The following ARHGAP15 variants were observed in gnomAD, a reference collection of about 807,000 sequenced individuals.
The protein encoded by ARHGAP15 is rho GTPase-activating protein 15.
A neutral mutation model predicts 63.7 loss-of-function variants in ARHGAP15; 51 were observed. That is an observed-to-expected ratio of 0.80 (90% confidence interval 0.64 to 1.01). ARHGAP15 has a LOEUF of 1.01. Among genes scored for constraint, ARHGAP15 ranks in the 50% least tolerant of loss-of-function variants. The probability of loss-of-function intolerance (pLI) is 0.00; values close to 1 mark genes in which losing one functional copy is unlikely to be tolerated. For missense variants in ARHGAP15, 560 were observed against 564.6 expected (o/e 0.99, Z 0.08); for synonymous variants, 191 against 193.8 (o/e 0.99, Z 0.12).
At chr2:143,291,917 T>G (rs919428869) in intron 6 of ARHGAP15, among the ~76,000 whole-genome samples, 1 of 152,032 alleles carries the variant, frequency 6.6e-6, no homozygotes, top group Non-Finnish European at 1.5e-5. Flanking sequence ...AATCAAAAAC[T>G]CAGTTACATA....
chr2:143,633,914 AC>A (rs749294835), intron 12 of ARHGAP15, among the ~76,000 whole-genome samples: 12 of 151,480 alleles, frequency 7.9e-5, no homozygotes, highest in African/African-American at 2.9e-4. Context: ...CTGCCCACTT[AC>A]CCCCAACTCT....
chr2:143,302,566 T>A (rs920005223), intron 6 of ARHGAP15, among the ~76,000 whole-genome samples: 1 of 152,040 alleles, frequency 6.6e-6, no homozygotes, highest in African/African-American at 2.4e-5. Flanking sequence ...GAAGTAATTC[T>A]ATTTTATGAA....
intron 6 of ARHGAP15, among the ~76,000 whole-genome samples, chr2:143,345,165 A>G (rs116051333): frequency 0.011 from 1,739 of 152,238 alleles, 14 homozygotes; most frequent in Non-Finnish European, 0.018. Context: ...TTCATTTCCT[A>G]GTAATGTGAT....
At chr2:143,559,953 G>C (rs1695956338) in intron 11 of ARHGAP15, among the ~76,000 whole-genome samples, 1 of 152,112 alleles carries the variant, frequency 6.6e-6, no homozygotes, top group African/African-American at 2.4e-5. Context: ...TTTCTAGAAG[G>C]CTCTAAATAT....
At chr2:143,181,247 T>C (rs1209563538) in intron 2 of ARHGAP15, among the ~76,000 whole-genome samples, 1 of 152,208 alleles carries the variant, frequency 6.6e-6, no homozygotes, top group East Asian at 1.9e-4. Context: ...GTTCCATTTA[T>C]AAAATACAGG....
intron 6 of ARHGAP15, among the ~76,000 whole-genome samples, chr2:143,384,872 GA>G: frequency 6.6e-6 from 1 of 152,196 alleles, no homozygotes; most frequent in Admixed American, 6.5e-5. Flanking sequence ...TTGGGGGGAG[GA>G]AAAAAGCTTC....
chr2:143,408,409 G>A (rs1483115155), intron 6 of ARHGAP15, among the ~76,000 whole-genome samples: 1 of 151,336 alleles, frequency 6.6e-6, no homozygotes, highest in Non-Finnish European at 1.5e-5. Context: ...ACACTATTAA[G>A]ATCTCTTCCA....
chr2:143,514,870 C>A (rs913564626), intron 9 of ARHGAP15, among the ~76,000 whole-genome samples: 1 of 152,162 alleles, frequency 6.6e-6, no homozygotes, highest in Non-Finnish European at 1.5e-5. Flanking sequence ...GAGTAGAAAT[C>A]TGCAATGCGT....
At chr2:143,600,679 G>C (rs866530979) in intron 11 of ARHGAP15, among the ~76,000 whole-genome samples, 1 of 152,096 alleles carries the variant, frequency 6.6e-6, no homozygotes, top group South Asian at 2.1e-4. Flanking sequence ...CTTTGAAGGA[G>C]CTTAGAGACT....
At chr2:143,734,812 G>A (rs916890300) in intron 13 of ARHGAP15, among the ~76,000 whole-genome samples, 1 of 152,226 alleles carries the variant, frequency 6.6e-6, no homozygotes, top group South Asian at 2.1e-4. Context: ...GTATACATGA[G>A]TGTGTGATTT....
chr2:143,534,208 C>T (rs1694646782), intron 10 of ARHGAP15, among the ~76,000 whole-genome samples: 1 of 152,180 alleles, frequency 6.6e-6, no homozygotes, highest in African/African-American at 2.4e-5. Context: ...GGGGCTCTTC[C>T]TCCCTCACTG....
At chr2:143,144,058 C>T (rs533914901) in intron 1 of ARHGAP15, among the ~76,000 whole-genome samples, 2 of 152,140 alleles carry the variant, frequency 1.3e-5, no homozygotes, top group East Asian at 3.9e-4. Context: ...AAGATAATGG[C>T]CTCCAGTTCC....
chr2:143,491,811 T>C (rs374199843), intron 9 of ARHGAP15, among the ~76,000 whole-genome samples: 2 of 152,242 alleles, frequency 1.3e-5, no homozygotes, highest in African/African-American at 4.8e-5. Context: ...AGACAGTACT[T>C]TAGGTTTCTA....
At chr2:143,308,978 A>G (rs981602538) in intron 6 of ARHGAP15, among the ~76,000 whole-genome samples, 2 of 150,814 alleles carry the variant, frequency 1.3e-5, no homozygotes, top group Non-Finnish European at 3.0e-5. Flanking sequence ...ATATATTTTA[A>G]GAAAAGAAAA....
At chr2:143,497,071 C>T (rs547715571) in intron 9 of ARHGAP15, among the ~76,000 whole-genome samples, 4 of 152,260 alleles carry the variant, frequency 2.6e-5, no homozygotes, top group Admixed American at 6.5e-5. Flanking sequence ...ATCATACACA[C>T]CAAAAAGGAA....
chr2:143,291,836 G>T (rs953771099), intron 6 of ARHGAP15, among the ~76,000 whole-genome samples: 1 of 152,134 alleles, frequency 6.6e-6, no homozygotes, highest in South Asian at 2.1e-4. Flanking sequence ...TGAGACTAGC[G>T]CTGAAAAGAA....
chr2:143,764,935 GC>G (rs1175726418), intron 13 of ARHGAP15, among the ~76,000 whole-genome samples: 1 of 152,060 alleles, frequency 6.6e-6, no homozygotes, highest in Non-Finnish European at 1.5e-5. Flanking sequence ...ATACAGTCTT[GC>G]TTTTGCTTCT....
chr2:143,223,607 G>C (rs1693085288), intron 4 of ARHGAP15, among the ~76,000 whole-genome samples: 1 of 152,174 alleles, frequency 6.6e-6, no homozygotes, highest in African/African-American at 2.4e-5. Context: ...AGGGATAAAG[G>C]GCTCGCAGTT....
chr2:143,184,509 A>G (rs1691363063), intron 2 of ARHGAP15, among the ~76,000 whole-genome samples: 1 of 152,146 alleles, frequency 6.6e-6, no homozygotes, highest in South Asian at 2.1e-4. Flanking sequence ...GTGTATTAGT[A>G]TGGGACTGGA....
Sources: allele counts gnomAD v4.1 joint callset (sites outside exome capture counted in the v4.1 genomes callset), GRCh38; gene constraint gnomAD v4.1.1; transcripts MANE v1.5; gene names NCBI Gene and HGNC (gene_info 2026-07-23, HGNC 2026-07-21).